Variants in PHRF1 observed in about 807,000 individuals in gnomAD.
The protein encoded by PHRF1 is PHD and RING finger domain-containing protein 1.
A neutral mutation model predicts 128.9 loss-of-function variants in PHRF1; 53 were observed. That is an observed-to-expected ratio of 0.41 (90% CI 0.33 to 0.52). The LOEUF (loss-of-function observed/expected upper bound fraction) is 0.52, where lower values mean the gene tolerates loss of function less well. Among genes scored for constraint, PHRF1 ranks in the 20% least tolerant of loss-of-function variants. The pLI, the probability that PHRF1 is intolerant of heterozygous loss-of-function variation, is 0.21. For missense variants in PHRF1, 2,503 were observed against 2,284.5 expected, an observed-to-expected ratio of 1.10 and a Z score of -1.95; for synonymous variants, 1,178 against 980.6, an observed-to-expected ratio of 1.20 and a Z score of -3.76.
chr11:579,680 G>T (rs1406464223), intron 1 of PHRF1, among the ~76,000 whole-genome samples: 1 of 152,232 alleles, frequency 6.6e-6, no homozygotes, highest in Non-Finnish European at 1.5e-5. Flanking sequence ...CTTGAGCGGG[G>T]ATCATGACCA....
At chr11:583,141 C>T (rs1408333722) in intron 3 of PHRF1, among the ~76,000 whole-genome samples, 1 of 151,420 alleles carries the variant, frequency 6.6e-6, no homozygotes, top group Non-Finnish European at 1.5e-5. Context: ...GAGATCGAGA[C>T]CATTGTGGCT....
rs777272584 is a variant in PHRF1, at chr11:587,330, G to T, written c.286G>T (p.Ala96Ser). ...VAGTQGKLEA[A>S]GSFNSDDDAE... Reference sequence around the variant, plus strand: ...GGGTACTCAGGGGAAACTGGAAGCCGCTGGCTCTTTCAATTCTGATGATGA... The same window carrying T: ...GGGTACTCAGGGGAAACTGGAAGCCTCTGGCTCTTTCAATTCTGATGATGA... Residue 96 changes from alanine (A) to serine (S), a missense_variant, in exon 4 of 18, where the codon GCT becomes TCT. By Grantham distance (99) the Ala-to-Ser change is moderately conservative. Transcript: ENST00000264555. 1 of 1,613,610 alleles carries T rather than the reference G, an allele frequency of 6.2e-7. No homozygotes were observed. The highest frequency in any genetic ancestry group is 8.5e-7 in the Non-Finnish European group (1 of 1,179,906).
rs370073176 is a variant in PHRF1 at position 609,011 on chromosome 11, G to T, written c.3555G>T (p.Pro1185=). The T allele has an allele frequency of 6.3e-7, 1 of 1,597,624 alleles. No homozygotes were observed. Among genetic ancestry groups the T allele is most frequent in the Non-Finnish European group, 8.5e-7 (1 of 1,173,170 alleles). ...GGCCTCGGTCCCGTGAGAAGTGGCC[G>T]CAGACCCGGTCCCATTCCCCAGAGA... ...HRRPRSREKW[P]QTRSHSPERK... Residue 1185 remains proline (P), a synonymous_variant, in exon 14 of 18, where the codon CCG becomes CCT. Coordinates refer to ENST00000264555, the MANE Select transcript of PHRF1 (RefSeq NM_001286581.2).
intron 1 of PHRF1, among the ~76,000 whole-genome samples, chr11:578,269 G>A (rs918746322): frequency 3.9e-5 from 6 of 152,206 alleles, no homozygotes; most frequent in East Asian, 1.9e-4. Context: ...TGGCAAAATA[G>A]CCCCTGGTTA....
At chr11:580,228 C>T (rs1854126315) in intron 1 of PHRF1, among the ~76,000 whole-genome samples, 2 of 152,210 alleles carry the variant, frequency 1.3e-5, no homozygotes, top group Non-Finnish European at 2.9e-5. Flanking sequence ...AGGTCAATAG[C>T]ACTGATGAGA....
chr11:606,776 C>G (rs1424637872), intron 13 of PHRF1, 180 bp downstream of exon 13: 10 of 986,082 alleles, frequency 1.0e-5, no homozygotes, highest in Non-Finnish European at 1.4e-5. Flanking sequence ...GCTCCGAGTT[C>G]TTACCCAGCC....
Position 591,914 on chromosome 11 carries a change from T to TG in PHRF1, c.504+447_504+448insG, listed in dbSNP as rs1338670425. On this transcript the variant is annotated intron_variant, in intron 5 of 17. Transcript: ENST00000264555. ...GGCATGAGCTACCACACCCGGCTGT[T>TG]TTTTTTTTTTTTTTTCCCGAGACAA... is the stretch of plus-strand genomic sequence containing the variant. Among the ~76,000 whole-genome samples the TG allele has an allele frequency of 6.6e-3, 873 of 132,748 alleles. 5 individuals carry two copies. The highest frequency in any genetic ancestry group is 0.028 in the African/African-American group (802 of 28,292). The allele number at this position is 132,748 out of a possible 152,430, so 87.1% of individuals were successfully genotyped here. A position where few individuals can be genotyped will look rare whatever the true frequency, so the allele number is the denominator to read the frequency against.
rs369901785 is a variant in PHRF1 at position 605,350 on chromosome 11, G to A, written c.1334+50G>A. 77 of 1,597,150 alleles carry A rather than the reference G, an allele frequency of 4.8e-5. No homozygotes were observed. In the East Asian group the frequency reaches 9.0e-4, roughly 19 times the overall value. ...CCTGGGCACCCGCTCCTCTCCCTGG[G>A]GGCTGTGGGCACGGGGCCCCGAGGT... is the stretch of plus-strand genomic sequence containing the variant. On this transcript the variant is annotated intron_variant, in intron 11 of 17. Coordinates refer to ENST00000264555, the MANE Select transcript of PHRF1 (RefSeq NM_001286581.2).
chr11:585,123 A>G (rs1589862504), intron 3 of PHRF1, among the ~76,000 whole-genome samples: 1 of 152,198 alleles, frequency 6.6e-6, no homozygotes, highest in Non-Finnish European at 1.5e-5. Flanking sequence ...TCCACGAGCA[A>G]CACCCACGTT....
Position 608,105 on chromosome 11 carries a change from G to T in PHRF1, c.2649G>T (p.Thr883=), listed in dbSNP as rs373499770. 1.2e-6 allele frequency: 2 copies of T among 1,611,692 alleles called. No individual in the cohort carries two copies. Among genetic ancestry groups the T allele is most frequent in the African/African-American group, 1.3e-5 (1 of 74,928 alleles). The part of the protein sequence containing the change: ...VQAVRCVTSY[T]VESIFGTEPE... Reference sequence around the variant, plus strand: ...CTGTGCGCTGCGTCACCTCCTACACGGTGGAGAGCATCTTTGGTACAGAGC... The same window carrying T: ...CTGTGCGCTGCGTCACCTCCTACACTGTGGAGAGCATCTTTGGTACAGAGC... The change falls in exon 14 of 18, where the codon ACG becomes ACT. Residue 883 remains threonine (T), a synonymous_variant. Transcript: ENST00000264555.
At chr11:598,181 C>A (rs1324959184) in intron 8 of PHRF1, among the ~76,000 whole-genome samples, 192 bp from the exon 9 acceptor site, 1 of 152,224 alleles carries the variant, frequency 6.6e-6, no homozygotes, top group Non-Finnish European at 1.5e-5. Context: ...CCCGCCTTGC[C>A]CCCGTGGGAG....
At chr11:587,077 A>G (rs779145722) in intron 3 of PHRF1, among the ~76,000 whole-genome samples, 182 bp from the exon 4 acceptor site, 4 of 152,174 alleles carry the variant, frequency 2.6e-5, no homozygotes, top group African/African-American at 7.2e-5. Flanking sequence ...GGTGCAGGGC[A>G]GGGCTCCCAG....
In PHRF1 at chr11:605,304, A is replaced by G. The variant is rs747060093; in HGVS notation, c.1334+4A>G. 1 of 1,612,252 alleles carries G rather than the reference A, an allele frequency of 6.2e-7. No individual in the cohort carries two copies. Among genetic ancestry groups the G allele is most frequent in the South Asian group, 1.1e-5 (1 of 91,060 alleles). ...ATGAGCTGGATCCCTTCGACAGGTG[A>G]GTGAACTGGTGATGGTCCTGCCTGG... On this transcript the variant is annotated splice_donor_region_variant and intron_variant, in intron 11 of 17. Coordinates refer to ENST00000264555, the MANE Select transcript of PHRF1 (RefSeq NM_001286581.2).
At position 607,373 on chromosome 11, in the gene PHRF1, C is replaced by T; in HGVS notation, c.1917C>T (p.Thr639=). ...GGTTCAACGGCACCAACAAGCACAC[C>T]TTGCCCCTTGCCTCTGCCGCGTCTA... The part of the protein sequence containing the change: ...SPWFNGTNKH[T]LPLASAASKI... The change falls in exon 14 of 18, where the codon ACC becomes ACT. Residue 639 remains threonine (T), a synonymous_variant. Coordinates refer to ENST00000264555, the MANE Select transcript of PHRF1 (RefSeq NM_001286581.2). The T allele has an allele frequency of 1.2e-6, 2 of 1,612,832 alleles. No homozygotes were observed. Among genetic ancestry groups the T allele is most frequent in the Non-Finnish European group, 1.7e-6 (2 of 1,179,886 alleles).
Position 608,741 on chromosome 11 carries a change from C to T in PHRF1, c.3285C>T (p.Ser1095=), listed in dbSNP as rs1427832030. The T allele has an allele frequency of 6.2e-7, 1 of 1,611,232 alleles. No individual in the cohort carries two copies. ...SRRTSRSRSG[S]PGSSSYEHYE... The stretch of plus-strand genomic sequence containing the variant: ...GGACGTCCCGGTCGCGGTCGGGGAG[C>T]CCTGGCAGCTCTTCCTATGAGCACT... The change falls in exon 14 of 18, where the codon AGC becomes AGT. Residue 1095 remains serine (S), a synonymous_variant. Transcript: ENST00000264555.
intron 4 of PHRF1, among the ~76,000 whole-genome samples, chr11:589,051 A>T (rs1181804072): frequency 6.6e-6 from 1 of 151,642 alleles, no homozygotes; most frequent in East Asian, 1.9e-4. Context: ...CAGGAGAATC[A>T]CTTGAACCTG....
chr11:583,461 G>T (rs934814615), intron 3 of PHRF1, among the ~76,000 whole-genome samples: 1 of 152,076 alleles, frequency 6.6e-6, no homozygotes, highest in African/African-American at 2.4e-5. Flanking sequence ...AGGCTACAGC[G>T]AGCTGAGATC....
At chr11:578,337 G>A (rs1257289736) in intron 1 of PHRF1, among the ~76,000 whole-genome samples, 1 of 152,214 alleles carries the variant, frequency 6.6e-6, no homozygotes, top group Non-Finnish European at 1.5e-5. Context: ...GAACGTTCCT[G>A]CTGCTGTGGT....
intron 1 of PHRF1, among the ~76,000 whole-genome samples, chr11:577,362 A>G (rs1271331288): frequency 2.0e-5 from 3 of 152,226 alleles, no homozygotes; most frequent in Non-Finnish European, 4.4e-5. Flanking sequence ...TTTCGACAAC[A>G]GCAGAACAGC....
Sources: allele counts gnomAD v4.1 joint callset (sites outside exome capture counted in the v4.1 genomes callset), GRCh38; gene constraint gnomAD v4.1.1; transcripts MANE v1.5; gene names NCBI Gene and HGNC (gene_info 2026-07-23, HGNC 2026-07-21).